DENND2B: variants seen among roughly 807,000 people sequenced by gnomAD.
The protein encoded by DENND2B is DENN domain containing 2B, also known as DENN domain-containing protein 2B.
DENND2B carries 32 observed loss-of-function variants against 116.0 expected under a neutral mutation model. The observed-to-expected ratio is 0.28, with a 90% CI of 0.21 to 0.37. The LOEUF is 0.37. Ranked by LOEUF, DENND2B falls within the 10% of genes least tolerant of loss-of-function variation. DENND2B has a pLI of 1.00. For missense variants in DENND2B, 1,276 were observed against 1,477.7 expected (o/e 0.86, Z 2.24); for synonymous variants, 588 against 583.9 (o/e 1.01, Z -0.10).
chr11:8,730,899 A>C lies in DENND2B; in HGVS notation c.391T>G (p.Cys131Gly). The change falls in exon 3 of 20, where the codon TGC (cysteine) becomes GGC (glycine). Residue 131 changes from cysteine (C) to glycine (G), a missense_variant. This residue lies in a region of DENND2B where 856 missense variants were observed against 846.6 expected (regional missense o/e 1.01). Transcript: ENST00000313726. This position sits in a 1 kb window ranked among gnomAD's most constrained non-coding sequence, Gnocchi z 4.1. ...GGCGTGCTCTGGGCAAGGGGGAGGCAGGCAGCGACCCCTGCTACATCCTGG... is the reference window on the plus strand; with the variant it reads ...GGCGTGCTCTGGGCAAGGGGGAGGCCGGCAGCGACCCCTGCTACATCCTGG... ...AAQDVAGVAA[C>G]LPLAQSTPFP... 1.2e-6 allele frequency: 2 copies of C among 1,614,082 alleles called. No homozygotes were observed. The highest frequency in any genetic ancestry group is 1.7e-6 in the Non-Finnish European group (2 of 1,180,030).
At chr11:8,775,472 C>G (rs535417646) in intron 1 of DENND2B, among the ~76,000 whole-genome samples, 2 of 152,234 alleles carry the variant, frequency 1.3e-5, no homozygotes, top group East Asian at 3.9e-4. Flanking sequence ...GTTGTAACCC[C>G]TCAAAGCCAC....
intron 2 of DENND2B, among the ~76,000 whole-genome samples, chr11:8,880,082 A>T (rs904828920): frequency 1.3e-5 from 2 of 152,170 alleles, no homozygotes. Flanking sequence ...CATTTCCATT[A>T]TGCTGGGGAA....
chr11:8,896,365 A>G (rs1384886208), intron 1 of DENND2B, among the ~76,000 whole-genome samples: 3 of 152,224 alleles, frequency 2.0e-5, no homozygotes, highest in Non-Finnish European at 4.4e-5. Context: ...AAAAAAGGTT[A>G]GGAGGAATAT....
chr11:8,761,456 G>A (rs1040109464), intron 1 of DENND2B, among the ~76,000 whole-genome samples: 1 of 152,158 alleles, frequency 6.6e-6, no homozygotes, highest in Admixed American at 6.5e-5. Flanking sequence ...CTGCAATTTC[G>A]ATGATCCAGA....
At chr11:8,697,979 CA>C in intron 16 of DENND2B, 4 of 447,460 alleles carry the variant, frequency 8.9e-6, no homozygotes, top group East Asian at 1.3e-4. Context: ...AAAACACACA[CA>C]AAAAAACAAT....
intron 3 of DENND2B, among the ~76,000 whole-genome samples, chr11:8,856,507 A>G (rs1048592838): frequency 6.6e-6 from 1 of 152,192 alleles, no homozygotes. Flanking sequence ...GAATGGGCCT[A>G]GGCTTGAGCA....
chr11:8,771,529 C>CAGAGAGAGAGAGAGAGAGAGAGAGAGAG lies in DENND2B; in HGVS notation c.-25-20832_-25-20805dup, dbSNP rs66471685. 3.3e-4 allele frequency: 35 copies of CAGAGAGAGAGAGAGAGAGAGAGAGAGAG among 107,410 alleles called. 2 individuals are homozygous for CAGAGAGAGAGAGAGAGAGAGAGAGAGAG. Among genetic ancestry groups the CAGAGAGAGAGAGAGAGAGAGAGAGAGAG allele is most frequent in the East Asian group, 9.9e-4 (3 of 3,040 alleles). 6.7% of individuals were successfully genotyped at this position (107,410 alleles called of 1,614,324 possible). Reference sequence around the variant, plus strand: ...GAATATATATATGTGTATATATATACAGAGAGAGAGAGAGAGAGAGAGAGA... The same window carrying CAGAGAGAGAGAGAGAGAGAGAGAGAGAG: ...GAATATATATATGTGTATATATATACAGAGAGAGAGAGAGAGAGAGAGAGAGAGAGAGAGAGAGAGAGAGAGAGAGAGA... On this transcript the variant is annotated intron_variant, in intron 1 of 19. Coordinates refer to ENST00000313726, the MANE Select transcript of DENND2B (RefSeq NM_213618.2).
chr11:8,798,989 G>A (rs748600253), intron 1 of DENND2B, among the ~76,000 whole-genome samples: 4 of 151,902 alleles, frequency 2.6e-5, no homozygotes, highest in African/African-American at 4.8e-5. Context: ...CACCACACCC[G>A]GCTAATTTTG....
chr11:8,866,046 G>A (rs562964077), intron 2 of DENND2B, among the ~76,000 whole-genome samples: 96 of 151,856 alleles, frequency 6.3e-4, no homozygotes, highest in African/African-American at 2.1e-3. Context: ...TGCAACCTCC[G>A]CCTCCCGGGT....
chr11:8,761,226 T>C (rs1246235857), intron 1 of DENND2B, among the ~76,000 whole-genome samples: 2 of 152,190 alleles, frequency 1.3e-5, no homozygotes, highest in African/African-American at 2.4e-5. Context: ...TCTCACATAG[T>C]TTTAAAAACC....
At chr11:8,717,656 G>GTAGATTTC in intron 5 of DENND2B, 85 bp downstream of exon 5, 1 of 1,455,612 alleles carries the variant, frequency 6.9e-7, no homozygotes, top group Non-Finnish European at 9.1e-7. Context: ...AAGCCTGAGT[G>GTAGATTTC]GAAGCTGGGC....
intron 4 of DENND2B, among the ~76,000 whole-genome samples, chr11:8,819,951 T>C (rs2061701352): frequency 6.6e-6 from 1 of 152,262 alleles, no homozygotes; most frequent in Non-Finnish European, 1.5e-5. Flanking sequence ...GTACTGCCAT[T>C]GCAACTTTTC....
At position 8,806,605 on chromosome 11, in the gene DENND2B, A is replaced by AACAC. The variant is rs71059180; in HGVS notation, c.-26+3908_-26+3911dup. 3.2e-3 allele frequency among the ~76,000 whole-genome samples: 376 copies of AACAC among 118,572 alleles called. 3 individuals carry two copies. Among genetic ancestry groups the AACAC allele is most frequent in the African/African-American group, 0.01 (338 of 32,410 alleles). 77.8% of individuals were successfully genotyped at this position (118,572 alleles called of 152,430 possible). ...ATTTAACACCCTCCTCTCCCTTCAA[A>AACAC]ACACACACACACACACACACACACA... On this transcript the variant is annotated intron_variant, in intron 1 of 19. Coordinates refer to ENST00000313726, the MANE Select transcript of DENND2B (RefSeq NM_213618.2).
chr11:8,726,161 G>A lies in DENND2B; in HGVS notation c.1389C>T (p.Pro463=), dbSNP rs369960011. The change falls in exon 4 of 20, where the codon CCC becomes CCT. Residue 463 remains proline, a synonymous_variant. Coordinates refer to ENST00000313726, the MANE Select transcript of DENND2B (RefSeq NM_213618.2). ...EDASSLQSLY[P]SSPTENGTEN... is the part of the protein sequence containing the mutation. ...CAGTACCATTCTCAGTGGGAGAAGA[G>A]GGGTACAGGGACTGGAGACTGGATG... 13 of 1,614,074 alleles carry A rather than the reference G, an allele frequency of 8.1e-6. No individual in the cohort carries two copies. The African/African-American group carries it at 1.2e-4, about 15-fold the overall frequency.
chr11:8,700,470 G>T (rs1482888516), intron 14 of DENND2B, among the ~76,000 whole-genome samples: 1 of 152,178 alleles, frequency 6.6e-6, no homozygotes, highest in Non-Finnish European at 1.5e-5. Flanking sequence ...GGCTGAGGAT[G>T]GGCCTGCGTT....
intron 1 of DENND2B, among the ~76,000 whole-genome samples, chr11:8,910,119 A>G (rs138232269): frequency 1.6e-3 from 247 of 151,988 alleles, no homozygotes; most frequent in African/African-American, 5.7e-3. Context: ...GTCTCCAAAA[A>G]TATGTGAATC....
intron 1 of DENND2B, among the ~76,000 whole-genome samples, chr11:8,905,191 A>G (rs1348455813): frequency 2.0e-5 from 3 of 152,196 alleles, no homozygotes; most frequent in Non-Finnish European, 4.4e-5. Context: ...GCATAAGGAC[A>G]GACATATAGA....
chr11:8,869,043 C>T (rs538551109), intron 2 of DENND2B, among the ~76,000 whole-genome samples: 1 of 152,302 alleles, frequency 6.6e-6, no homozygotes, highest in South Asian at 2.1e-4. Flanking sequence ...ACATGCGGCC[C>T]CAGGCGATTC....
intron 2 of DENND2B, among the ~76,000 whole-genome samples, chr11:8,865,606 G>A (rs1179418927): frequency 1.3e-5 from 2 of 151,742 alleles, no homozygotes; most frequent in African/African-American, 4.8e-5. Flanking sequence ...TGTTCACTCT[G>A]TGAACATGTG....
Sources: gnomAD v4.1 joint callset for allele counts (sites outside exome capture counted in the v4.1 genomes callset) on GRCh38, gnomAD v4.1.1 for gene constraint, gnomAD v4.1.1 regional missense constraint, Gnocchi (gnomAD v3.1) non-coding constraint, MANE v1.5 for transcripts, NCBI Gene and HGNC (gene_info 2026-07-23, HGNC 2026-07-21) for gene names.